The following CNTNAP2 variants were observed in gnomAD, a reference collection of about 807,000 sequenced individuals.
CNTNAP2 encodes the protein contactin-associated protein-like 2.
Under a neutral mutation model 155.2 loss-of-function variants are expected in CNTNAP2, and 98 were observed. That is an observed-to-expected ratio of 0.63 (90% confidence interval 0.54 to 0.75). CNTNAP2 has a LOEUF of 0.75. Ranked by LOEUF, CNTNAP2 falls within the 30% of genes least tolerant of loss-of-function variation. The pLI is 0.00. For missense variants in CNTNAP2, 1,727 were observed against 1,688.1 expected, an observed-to-expected ratio of 1.02 and a Z score of -0.40; for synonymous variants, 651 against 631.2, an observed-to-expected ratio of 1.03 and a Z score of -0.47.
In CNTNAP2 at chr7:147,379,766, G is replaced by A. The variant is rs368641114; in HGVS notation, c.1499-15843G>A. Among the ~76,000 whole-genome samples the A allele has an allele frequency of 3.0e-4, 45 of 152,088 alleles. No individual in the cohort carries two copies. The South Asian group carries it at 8.5e-3, about 29-fold the overall frequency. On this transcript the variant is annotated intron_variant, in intron 9 of 23. Coordinates refer to ENST00000361727, the MANE Select transcript of CNTNAP2 (RefSeq NM_014141.6). ...GGTTTTATGTGGTGGGGCTAGGGGC[G>A]TGAGGGAGTTCCTATTCTTTGCACA...
chr7:148,012,788 G>T (rs1267065924), intron 15 of CNTNAP2, among the ~76,000 whole-genome samples: 2 of 152,020 alleles, frequency 1.3e-5, no homozygotes, highest in Admixed American at 1.3e-4. Context: ...AACTTCCAAA[G>T]CTAAAAGTAA....
At chr7:146,716,343 A>G (rs1256365712) in intron 1 of CNTNAP2, among the ~76,000 whole-genome samples, 3 of 152,014 alleles carry the variant, frequency 2.0e-5, no homozygotes, top group Non-Finnish European at 2.9e-5. Flanking sequence ...CTAAAAGAAG[A>G]TCAGAGAGGA....
At chr7:147,786,905 G>C (rs191840059) in intron 13 of CNTNAP2, among the ~76,000 whole-genome samples, 10 of 152,126 alleles carry the variant, frequency 6.6e-5, no homozygotes, top group Admixed American at 5.9e-4. Context: ...GGATTTCAAG[G>C]CTGCAGTGAG....
chr7:147,343,942 A>G (rs1429219090), intron 9 of CNTNAP2, among the ~76,000 whole-genome samples: 1 of 152,182 alleles, frequency 6.6e-6, no homozygotes, highest in African/African-American at 2.4e-5. Flanking sequence ...GAATGCTGAT[A>G]ATTATTTATT....
At chr7:147,902,814 A>ATG (rs71183034) in intron 13 of CNTNAP2, among the ~76,000 whole-genome samples, 3,404 of 127,244 alleles carry the variant, frequency 0.027, 67 homozygotes, top group South Asian at 0.11. Flanking sequence ...GTGTGTGTGT[A>ATG]TGTGTGTGTG....
At chr7:147,130,906 G>A (rs186233457) in intron 7 of CNTNAP2, among the ~76,000 whole-genome samples, 4 of 152,026 alleles carry the variant, frequency 2.6e-5, no homozygotes, top group Admixed American at 1.3e-4. Context: ...GTAAAAGCGA[G>A]CATTTAAAAA....
intron 3 of CNTNAP2, among the ~76,000 whole-genome samples, chr7:146,984,423 C>T (rs1269919068): frequency 1.3e-5 from 2 of 150,296 alleles, no homozygotes; most frequent in Non-Finnish European, 3.0e-5. Flanking sequence ...GTTGCTTTTG[C>T]CTGTTTCCCT....
At chr7:146,744,003 G>A (rs1348260576) in intron 1 of CNTNAP2, among the ~76,000 whole-genome samples, 1 of 152,052 alleles carries the variant, frequency 6.6e-6, no homozygotes, top group Non-Finnish European at 1.5e-5. Flanking sequence ...GAAGCGGGCA[G>A]ATCACTTGAG....
chr7:147,391,220 C>G (rs1358407746), intron 9 of CNTNAP2, among the ~76,000 whole-genome samples: 1 of 152,152 alleles, frequency 6.6e-6, no homozygotes, highest in Non-Finnish European at 1.5e-5. Flanking sequence ...AGACAAGTCA[C>G]TGGTCCACAG....
chr7:147,090,325 G>A, intron 4 of CNTNAP2, among the ~76,000 whole-genome samples: 1 of 149,914 alleles, frequency 6.7e-6, no homozygotes, highest in East Asian at 2.0e-4. Flanking sequence ...ATATAAGCGT[G>A]TGTGTGTGTG....
chr7:148,306,968 A>T (rs1300851637), intron 21 of CNTNAP2, among the ~76,000 whole-genome samples: 2 of 152,064 alleles, frequency 1.3e-5, no homozygotes, highest in African/African-American at 2.4e-5. Context: ...GAGTTGTTTC[A>T]TCGGGAAGCC....
chr7:146,967,097 C>G lies in CNTNAP2; in HGVS notation c.403-76810C>G, dbSNP rs755269802. 5.7e-4 allele frequency among the ~76,000 whole-genome samples: 87 copies of G among 152,092 alleles called. 1 individual carries two copies. Among genetic ancestry groups the G allele is most frequent in the Non-Finnish European group, 1.1e-3 (73 of 68,034 alleles). The stretch of plus-strand genomic sequence containing the variant: ...TGTTTAGTGATCTGGTTTTGTGTGT[C>G]AGATACCTTACTAAACGTTTTTACA... On this transcript the variant is annotated intron_variant, in intron 3 of 23. Transcript: ENST00000361727.
intron 10 of CNTNAP2, among the ~76,000 whole-genome samples, chr7:147,438,477 A>ATT (rs144129566): frequency 6.8e-6 from 1 of 147,234 alleles, no homozygotes; most frequent in African/African-American, 2.5e-5. Context: ...ATGGTGAATT[A>ATT]TTTTTTTTTT....
At chr7:146,326,250 G>A (rs1354410246) in intron 1 of CNTNAP2, among the ~76,000 whole-genome samples, 3 of 150,842 alleles carry the variant, frequency 2.0e-5, no homozygotes, top group Admixed American at 1.3e-4. Flanking sequence ...AGTGATGCCA[G>A]TGGAAGGACT....
chr7:148,158,018 C>T (rs1805437232), intron 17 of CNTNAP2, among the ~76,000 whole-genome samples: 1 of 152,112 alleles, frequency 6.6e-6, no homozygotes, highest in African/African-American at 2.4e-5. Context: ...CACGCTCAGT[C>T]GGCTGCTATC....
At chr7:147,328,846 G>A (rs1795506429) in intron 9 of CNTNAP2, among the ~76,000 whole-genome samples, 1 of 151,984 alleles carries the variant, frequency 6.6e-6, no homozygotes, top group Non-Finnish European at 1.5e-5. Flanking sequence ...GAACTGGAGA[G>A]ACACAGTAAC....
At chr7:147,928,510 T>A (rs1238864554) in intron 14 of CNTNAP2, among the ~76,000 whole-genome samples, 1 of 152,210 alleles carries the variant, frequency 6.6e-6, no homozygotes, top group African/African-American at 2.4e-5. Context: ...AAGAAAACTT[T>A]AAAGCGATGA....
At chr7:148,036,727 A>C (rs1389176616) in intron 15 of CNTNAP2, among the ~76,000 whole-genome samples, 2 of 152,178 alleles carry the variant, frequency 1.3e-5, no homozygotes, top group Admixed American at 6.5e-5. Flanking sequence ...TAATCATATA[A>C]TATATTAGCT....
intron 8 of CNTNAP2, among the ~76,000 whole-genome samples, chr7:147,291,289 G>A (rs1461571710): frequency 6.6e-6 from 1 of 152,020 alleles, no homozygotes; most frequent in Admixed American, 6.6e-5. Context: ...CCACATGCAT[G>A]AGGTATTTGT....
Sources: gnomAD v4.1 joint callset for allele counts (sites outside exome capture counted in the v4.1 genomes callset) on GRCh38, gnomAD v4.1.1 for gene constraint, MANE v1.5 for transcripts, NCBI Gene and HGNC (gene_info 2026-07-23, HGNC 2026-07-21) for gene names.